The following CLIC5 variants were observed in gnomAD, a reference collection of about 807,000 sequenced individuals.
The protein encoded by CLIC5 is CLIC family member 5.
CLIC5 carries 20 observed loss-of-function variants against 24.7 expected under a neutral mutation model. The observed-to-expected ratio is 0.81, with a 90% CI of 0.57 to 1.18. CLIC5 has a LOEUF of 1.18. CLIC5 is among the 50% of genes most tolerant of loss of function. CLIC5 has a pLI of 0.00. For synonymous variants in CLIC5, 159 were observed against 135.6 expected, an observed-to-expected ratio of 1.17 and a Z score of -1.20; for missense variants, 341 against 326.1, an observed-to-expected ratio of 1.05 and a Z score of -0.35.
chr6:45,941,252 A>T (rs1392122142), intron 4 of CLIC5, among the ~76,000 whole-genome samples: 1 of 152,202 alleles, frequency 6.6e-6, no homozygotes, highest in Non-Finnish European at 1.5e-5. Context: ...CGTGCAGTGC[A>T]CTATGCTGTG....
chr6:45,994,219 A>G (rs943642648), intron 1 of CLIC5, among the ~76,000 whole-genome samples: 3 of 152,148 alleles, frequency 2.0e-5, no homozygotes, highest in African/African-American at 7.2e-5. Context: ...AGTGAATGAC[A>G]TGAGTATTAA....
At chr6:45,915,898 T>C (rs1013337421) in intron 4 of CLIC5, among the ~76,000 whole-genome samples, 5 of 152,132 alleles carry the variant, frequency 3.3e-5, no homozygotes, top group African/African-American at 1.2e-4. Flanking sequence ...TGCACCTGTG[T>C]CATCAGCCCC....
chr6:46,033,081 C>T (rs866232657), intron 1 of CLIC5, among the ~76,000 whole-genome samples: 5 of 149,850 alleles, frequency 3.3e-5, no homozygotes, highest in African/African-American at 4.9e-5. Context: ...CTCCGCCTCC[C>T]GGGTTCAAGC....
intron 1 of CLIC5, among the ~76,000 whole-genome samples, chr6:45,997,731 TTCCTG>T (rs1287798616): frequency 6.6e-6 from 1 of 152,212 alleles, no homozygotes; most frequent in African/African-American, 2.4e-5. Flanking sequence ...AAGAACCAAT[TTCCTG>T]CCAGATCATG....
intron 1 of CLIC5, among the ~76,000 whole-genome samples, chr6:46,075,254 C>G (rs907502706): frequency 7.9e-5 from 12 of 152,076 alleles, no homozygotes; most frequent in African/African-American, 2.7e-4. Flanking sequence ...GGTTTCAAAT[C>G]CATGCAACCA....
chr6:45,909,770 T>C lies in CLIC5; in HGVS notation c.588+4458A>G, dbSNP rs115033069. ...CTATATACCTTGGTGAAGTTCATTT[T>C]GTATGGTATCTCACAGGTGTTCTCT... On this transcript the variant is annotated intron_variant, in intron 5 of 5. Transcript: ENST00000339561. Among the ~76,000 whole-genome samples the C allele has an allele frequency of 3.0e-3, 458 of 152,330 alleles. 1 individual carries two copies. Among genetic ancestry groups the C allele is most frequent in the African/African-American group, 9.2e-3 (384 of 41,566 alleles).
chr6:45,882,687 G>C (rs1273397389), intron 6 of CLIC5, among the ~76,000 whole-genome samples: 1 of 152,210 alleles, frequency 6.6e-6, no homozygotes, highest in Non-Finnish European at 1.5e-5. Context: ...TTGATGATAA[G>C]AAATACTGTG....
chr6:45,884,218 C>T (rs1762284699), intron 6 of CLIC5, among the ~76,000 whole-genome samples: 1 of 152,150 alleles, frequency 6.6e-6, no homozygotes, highest in African/African-American at 2.4e-5. Flanking sequence ...TAGAACTGGG[C>T]ATACTTCTCA....
intron 1 of CLIC5, among the ~76,000 whole-genome samples, chr6:46,053,012 C>T (rs189419708): frequency 2.0e-5 from 3 of 151,908 alleles, no homozygotes; most frequent in Non-Finnish European, 2.9e-5. Flanking sequence ...AACATAACTG[C>T]TAAAAATGAA....
intron 1 of CLIC5, among the ~76,000 whole-genome samples, chr6:46,036,238 C>A (rs144059708): frequency 9.1e-4 from 138 of 151,900 alleles, no homozygotes; most frequent in Middle Eastern, 6.8e-3. Context: ...TTTGTTTAAT[C>A]CCAAATTGTG....
At position 45,902,948 on chromosome 6, in the gene CLIC5, A is replaced by C. The variant is rs964152684; in HGVS notation, c.*140T>G. On this transcript the variant is annotated 3_prime_UTR_variant, in exon 6 of 6. Transcript: ENST00000339561. ...ACCTTCATGAAAGATAGCAGGCTGGAGTTCCCATGATACCAGCAAGATGAG... is the reference window on the plus strand; with the variant it reads ...ACCTTCATGAAAGATAGCAGGCTGGCGTTCCCATGATACCAGCAAGATGAG... 1.0e-5 allele frequency: 9 copies of C among 858,642 alleles called. No homozygotes were observed. Among genetic ancestry groups the C allele is most frequent in the Non-Finnish European group, 1.7e-5 (9 of 542,904 alleles). 53.2% of individuals were successfully genotyped at this position (858,642 alleles called of 1,614,324 possible).
At chr6:46,067,377 G>A (rs1016520504) in intron 1 of CLIC5, among the ~76,000 whole-genome samples, 2 of 152,092 alleles carry the variant, frequency 1.3e-5, no homozygotes, top group Admixed American at 6.6e-5. Context: ...TTGATATTCT[G>A]ATTGGAAGCC....
chr6:45,909,611 C>A (rs943347022), intron 5 of CLIC5, among the ~76,000 whole-genome samples: 5 of 152,202 alleles, frequency 3.3e-5, no homozygotes, highest in Admixed American at 2.0e-4. Context: ...CCCTCAATCT[C>A]TTCTGGCTTG....
intron 1 of CLIC5, among the ~76,000 whole-genome samples, chr6:46,048,548 C>T (rs531979108): frequency 1.2e-3 from 182 of 152,124 alleles, no homozygotes; most frequent in African/African-American, 4.1e-3. Context: ...AAATGGCCTC[C>T]TTTTCTCAAA....
chr6:46,001,384 C>T (rs1766352106), intron 1 of CLIC5, among the ~76,000 whole-genome samples: 1 of 152,116 alleles, frequency 6.6e-6, no homozygotes, highest in Non-Finnish European at 1.5e-5. Context: ...TTAGCTGGGC[C>T]TCTCCCCTCA....
At chr6:45,891,110 G>T (rs910319088) in intron 6 of CLIC5, among the ~76,000 whole-genome samples, 4 of 152,156 alleles carry the variant, frequency 2.6e-5, no homozygotes, top group African/African-American at 7.2e-5. Context: ...AATATTTGAG[G>T]TGATGGATAT....
chr6:45,909,073 T>G (rs1208615199), intron 5 of CLIC5, among the ~76,000 whole-genome samples: 2 of 151,894 alleles, frequency 1.3e-5, no homozygotes, highest in African/African-American at 4.8e-5. Flanking sequence ...TGGTTTGTGG[T>G]ATGTTTTACC....
At chr6:46,006,682 T>C (rs1184102780) in intron 1 of CLIC5, among the ~76,000 whole-genome samples, 2 of 114,374 alleles carry the variant, frequency 1.7e-5, no homozygotes, top group Non-Finnish European at 3.5e-5. Flanking sequence ...TTTTTTTTCC[T>C]TTTTTTTTTT....
the CLIC5 span, among the ~76,000 whole-genome samples, chr6:46,104,508 C>T: frequency 9.9e-5 from 15 of 151,620 alleles, no homozygotes; most frequent in South Asian, 8.3e-4. Context: ...AAGAGTGTTT[C>T]GCTATCTGAG....
Sources: allele counts gnomAD v4.1 joint callset (sites outside exome capture counted in the v4.1 genomes callset), GRCh38; gene constraint gnomAD v4.1.1; transcripts MANE v1.5; gene names NCBI Gene and HGNC (gene_info 2026-07-23, HGNC 2026-07-21).